Variants in CAMTA1 observed in about 807,000 individuals in gnomAD.
CAMTA1 encodes the protein calmodulin-binding transcription activator 1.
A neutral mutation model predicts 170.9 loss-of-function variants in CAMTA1; 27 were observed. That is an observed-to-expected ratio of 0.16 (90% confidence interval 0.12 to 0.22). The LOEUF (loss-of-function observed/expected upper bound fraction) is 0.22, where lower values mean the gene tolerates loss of function less well. Among genes scored for constraint, CAMTA1 ranks in the 10% least tolerant of loss-of-function variants. The pLI, the probability that CAMTA1 is intolerant of heterozygous loss-of-function variation, is 1.00. For missense variants in CAMTA1, 1,619 were observed against 2,217.2 expected (o/e 0.73, Z 5.42); for synonymous variants, 833 against 891.5 (o/e 0.93, Z 1.17).
intron 4 of CAMTA1, among the ~76,000 whole-genome samples, chr1:7,229,756 C>A (rs916790441): frequency 1.3e-5 from 2 of 152,076 alleles, no homozygotes; most frequent in Admixed American, 1.3e-4. Flanking sequence ...GAACTCAATT[C>A]TTCAATGGCA....
At chr1:7,031,093 T>C (rs1421041020) in intron 3 of CAMTA1, among the ~76,000 whole-genome samples, 1 of 150,464 alleles carries the variant, frequency 6.6e-6, no homozygotes, top group African/African-American at 2.4e-5. Flanking sequence ...GTGATCCACC[T>C]GCCTTGGCCT....
intron 6 of CAMTA1, among the ~76,000 whole-genome samples, chr1:7,541,546 GT>G (rs909144962): frequency 1.3e-5 from 2 of 152,194 alleles, no homozygotes; most frequent in African/African-American, 2.4e-5. Flanking sequence ...ATAAATCTCT[GT>G]TTGCTTGAAA....
At chr1:7,484,375 T>A (rs2093587071) in intron 6 of CAMTA1, among the ~76,000 whole-genome samples, 1 of 152,230 alleles carries the variant, frequency 6.6e-6, no homozygotes, top group Non-Finnish European at 1.5e-5. Flanking sequence ...CTAATCCCCC[T>A]TCTTCAACCA....
At chr1:7,459,374 C>T (rs1418416429) in intron 5 of CAMTA1, among the ~76,000 whole-genome samples, 3 of 152,168 alleles carry the variant, frequency 2.0e-5, no homozygotes, top group African/African-American at 7.2e-5. Flanking sequence ...CCAGGATCTG[C>T]GTCTGCGTTC....
chr1:7,224,302 G>A lies in CAMTA1; in HGVS notation c.303-25189G>A, dbSNP rs1035135992. 1.1e-4 allele frequency among the ~76,000 whole-genome samples: 16 copies of A among 152,128 alleles called. No individual in the cohort carries two copies. Among genetic ancestry groups the A allele is most frequent in the East Asian group, 1.9e-4 (1 of 5,176 alleles). On this transcript the variant is annotated intron_variant, in intron 4 of 22. Transcript: ENST00000303635. The surrounding 1 kb of genome is among the most constrained non-coding windows in gnomAD (Gnocchi z 5.2). ...TCAGGCTGTGCCCAGTGGCCGAGGC[G>A]CTTGGTGAGCTTTCCACTGGATGGC...
chr1:7,270,363 C>T (rs893678188), intron 5 of CAMTA1, among the ~76,000 whole-genome samples: 1 of 144,492 alleles, frequency 6.9e-6, no homozygotes, highest in Non-Finnish European at 1.5e-5. Context: ...GGTGTGATCT[C>T]GGCTCACTGC....
At chr1:7,313,521 G>C (rs1054151059) in intron 5 of CAMTA1, among the ~76,000 whole-genome samples, 5 of 152,064 alleles carry the variant, frequency 3.3e-5, no homozygotes, top group Non-Finnish European at 5.9e-5. Flanking sequence ...TGCATTGGTC[G>C]GCCCTTCTCC....
At chr1:7,049,607 C>G (rs1017963841) in intron 3 of CAMTA1, among the ~76,000 whole-genome samples, 1 of 152,118 alleles carries the variant, frequency 6.6e-6, no homozygotes, top group African/African-American at 2.4e-5. Context: ...TAGGGGCCCA[C>G]CACCACACCC....
chr1:7,303,014 G>A (rs1200591058), intron 5 of CAMTA1, among the ~76,000 whole-genome samples: 2 of 152,168 alleles, frequency 1.3e-5, no homozygotes, highest in African/African-American at 2.4e-5. Flanking sequence ...TAATCTCTCT[G>A]TGTCTGTGTC....
rs79565342 is a variant in CAMTA1, at chr1:7,148,545, T to C, written c.302+57174T>C. Among the ~76,000 whole-genome samples the C allele has an allele frequency of 9.2e-3, 1,395 of 152,316 alleles. 31 individuals carry two copies. Among genetic ancestry groups the C allele is most frequent in the African/African-American group, 0.032 (1,327 of 41,568 alleles). On this transcript the variant is annotated intron_variant, in intron 4 of 22. Coordinates refer to ENST00000303635, the MANE Select transcript of CAMTA1 (RefSeq NM_015215.4). ...CTGCTGACTTGCCACCGGGGTGTCT[T>C]TACCTATGGGGGGAGTGGGTCCAGT... is the stretch of plus-strand genomic sequence containing the variant.
At chr1:7,055,806 C>G (rs1347663803) in intron 3 of CAMTA1, among the ~76,000 whole-genome samples, 1 of 152,248 alleles carries the variant, frequency 6.6e-6, no homozygotes, top group Non-Finnish European at 1.5e-5. Flanking sequence ...ACTGGGGGCC[C>G]AGGCCACGTT....
intron 3 of CAMTA1, among the ~76,000 whole-genome samples, chr1:6,875,428 G>T (rs183437493): frequency 7.9e-5 from 12 of 152,124 alleles, no homozygotes; most frequent in Non-Finnish European, 1.3e-4. Context: ...GATTACAGGC[G>T]CCCGCGACCA....
chr1:7,341,797 T>C (rs960289338), intron 5 of CAMTA1, among the ~76,000 whole-genome samples: 1 of 152,196 alleles, frequency 6.6e-6, no homozygotes, highest in Non-Finnish European at 1.5e-5. Flanking sequence ...GTGACTGTCT[T>C]AGTCTCCATA....
At chr1:7,411,587 T>C (rs1248524935) in intron 5 of CAMTA1, among the ~76,000 whole-genome samples, 1 of 151,838 alleles carries the variant, frequency 6.6e-6, no homozygotes, top group Non-Finnish European at 1.5e-5. Context: ...TAACTTTCTT[T>C]TTTTTTAAGC....
Position 7,105,949 on chromosome 1 carries a change from A to T in CAMTA1, c.302+14578A>T, listed in dbSNP as rs1335005708. 3.3e-5 allele frequency among the ~76,000 whole-genome samples: 5 copies of T among 152,226 alleles called. No individual in the cohort carries two copies. In the East Asian group the frequency reaches 5.8e-4, roughly 18 times the overall value. On this transcript the variant is annotated intron_variant, in intron 4 of 22. Coordinates refer to ENST00000303635, the MANE Select transcript of CAMTA1 (RefSeq NM_015215.4). The stretch of plus-strand genomic sequence containing the variant: ...AGTGAGACCATGTCTCAAAAAAAAA[A>T]AAGGGTTTCCCCAGAGTTTTAGGAG...
At chr1:6,882,019 G>T (rs756410349) in intron 3 of CAMTA1, among the ~76,000 whole-genome samples, 4 of 152,150 alleles carry the variant, frequency 2.6e-5, no homozygotes, top group Non-Finnish European at 4.4e-5. Context: ...GTAGTGCAGA[G>T]AATCTTCCAG....
At chr1:6,844,896 G>A (rs1657430676) in intron 3 of CAMTA1, among the ~76,000 whole-genome samples, 1 of 152,070 alleles carries the variant, frequency 6.6e-6, no homozygotes, top group Non-Finnish European at 1.5e-5. Context: ...TAAGTAACTC[G>A]TGGATATCAG....
chr1:7,441,908 C>T (rs559328593), intron 5 of CAMTA1, among the ~76,000 whole-genome samples: 4 of 152,196 alleles, frequency 2.6e-5, no homozygotes, highest in African/African-American at 7.2e-5. Context: ...AAAGCGTAGG[C>T]GCAGACTCTG....
Position 7,680,201 on chromosome 1 carries a change from A to AGCT in CAMTA1, c.2914+2469_2914+2470insCTG. On this transcript the variant is annotated intron_variant, in intron 11 of 22. Coordinates refer to ENST00000303635, the MANE Select transcript of CAMTA1 (RefSeq NM_015215.4). This position sits in a 1 kb window ranked among gnomAD's most constrained non-coding sequence, Gnocchi z 4.4. The stretch of plus-strand genomic sequence containing the variant: ...AACTTTGCGTCCGGGCCAATGCTGC[A>AGCT]GTGGCCGGGCGGTGGTGAGCCTTCC... The AGCT allele has an allele frequency of 3.5e-6, 1 of 282,688 alleles. No individual in the cohort carries two copies. Among genetic ancestry groups the AGCT allele is most frequent in the South Asian group, 2.6e-5 (1 of 38,338 alleles). The allele number at this position is 282,688 out of a possible 1,614,324, so 17.5% of individuals were successfully genotyped here. A position where few individuals can be genotyped will look rare whatever the true frequency, so the allele number is the denominator to read the frequency against.
Sources: gnomAD v4.1 joint callset for allele counts (sites outside exome capture counted in the v4.1 genomes callset) on GRCh38, gnomAD v4.1.1 for gene constraint, Gnocchi (gnomAD v3.1) non-coding constraint, MANE v1.5 for transcripts, NCBI Gene and HGNC (gene_info 2026-07-23, HGNC 2026-07-21) for gene names.